Variants in DNAH7 observed in about 807,000 individuals in gnomAD.
The protein encoded by DNAH7 is dynein axonemal heavy chain 7, also known as axonemal beta dynein heavy chain 7.
DNAH7 carries 397 observed loss-of-function variants against 444.6 expected under a neutral mutation model. The ratio of observed to expected loss-of-function variants is 0.89; its 90% CI spans 0.82 to 0.97. The LOEUF (loss-of-function observed/expected upper bound fraction) is 0.97, where lower values mean the gene tolerates loss of function less well. Ranked by LOEUF, DNAH7 falls within the 50% of genes least tolerant of loss-of-function variation. The probability of loss-of-function intolerance (pLI) is 0.00; values close to 1 mark genes in which losing one functional copy is unlikely to be tolerated. For synonymous variants in DNAH7, 1,636 were observed against 1,624.4 expected (o/e 1.01, Z -0.17); for missense variants, 4,902 against 4,800.8 (o/e 1.02, Z -0.62).
chr2:196,038,471 A>T (rs139028071), intron 5 of DNAH7, among the ~76,000 whole-genome samples: 3 of 152,342 alleles, frequency 2.0e-5, no homozygotes, highest in African/African-American at 7.2e-5. Flanking sequence ...GACAGGAGTA[A>T]GCCCTCACCT....
intron 58 of DNAH7, among the ~76,000 whole-genome samples, chr2:195,778,669 T>TAC (rs1198664361): frequency 0.029 from 1,826 of 63,974 alleles, 200 homozygotes; most frequent in Non-Finnish European, 0.038. Flanking sequence ...TATATATATA[T>TAC]ACACACACAC....
chr2:195,869,319 T>C (rs940414381), intron 40 of DNAH7, among the ~76,000 whole-genome samples: 1 of 151,416 alleles, frequency 6.6e-6, no homozygotes, highest in Non-Finnish European at 1.5e-5. Flanking sequence ...TCCCACCTAC[T>C]GTCTCACAAT....
At chr2:195,815,332 C>G (rs1398868917) in intron 51 of DNAH7, among the ~76,000 whole-genome samples, 1 of 152,072 alleles carries the variant, frequency 6.6e-6, no homozygotes, top group Non-Finnish European at 1.5e-5. Flanking sequence ...TTCTCAATGG[C>G]AGATATCTAT....
At chr2:196,023,333 C>T (rs1185074439) in intron 8 of DNAH7, among the ~76,000 whole-genome samples, 1 of 152,170 alleles carries the variant, frequency 6.6e-6, no homozygotes, top group Non-Finnish European at 1.5e-5. Context: ...TCCTATAAAA[C>T]CTGAGCAACT....
At chr2:196,068,479 G>T (rs1698554944) in intron 1 of DNAH7, 1 of 616,874 alleles carries the variant, frequency 1.6e-6, no homozygotes, top group Non-Finnish European at 2.7e-6. Flanking sequence ...GGCTAGGTTT[G>T]GTTGTTATGA....
chr2:195,975,987 A>T (rs892124413), intron 15 of DNAH7, among the ~76,000 whole-genome samples: 1 of 152,160 alleles, frequency 6.6e-6, no homozygotes, highest in Admixed American at 6.5e-5. Context: ...TGGCACATTC[A>T]CAACTGTAGT....
chr2:195,912,874 TCCAAATTCAGGCTCTCAG>T (rs1687444678), intron 24 of DNAH7, among the ~76,000 whole-genome samples: 1 of 152,210 alleles, frequency 6.6e-6, no homozygotes, highest in Admixed American at 6.5e-5. Context: ...ACATCTATTT[TCCAAATTCAGGCTCTCAG>T]CCTGAGTCAG....
intron 40 of DNAH7, among the ~76,000 whole-genome samples, chr2:195,868,161 T>G (rs966545679): frequency 1.4e-5 from 2 of 146,286 alleles, no homozygotes; most frequent in Non-Finnish European, 3.0e-5. Context: ...AGTGGTGCGA[T>G]CTCGGCTCAC....
rs536016797 is a variant in DNAH7 at position 195,899,134 on chromosome 2, G to A, written c.4548+1148C>T. Among the ~76,000 whole-genome samples, 7 of 152,210 alleles carry A rather than the reference G, an allele frequency of 4.6e-5. No homozygotes were observed. In the South Asian group the frequency reaches 1.4e-3, roughly 32 times the overall value. ...ATGACAGAGCATGTCCTGTTGATCTGGATTTTGTTTTTGGATCAATCTAAC... is the reference window on the plus strand; with the variant it reads ...ATGACAGAGCATGTCCTGTTGATCTAGATTTTGTTTTTGGATCAATCTAAC... On this transcript the variant is annotated intron_variant, in intron 28 of 64. Transcript: ENST00000312428.
At chr2:195,937,951 A>G (rs1298938224) in intron 19 of DNAH7, among the ~76,000 whole-genome samples, 1 of 152,174 alleles carries the variant, frequency 6.6e-6, no homozygotes, top group Non-Finnish European at 1.5e-5. Flanking sequence ...TTAAATCAAG[A>G]GAATATTGTT....
At chr2:195,872,935 A>G (rs1330345478) in intron 39 of DNAH7, among the ~76,000 whole-genome samples, 2 of 150,466 alleles carry the variant, frequency 1.3e-5, no homozygotes, top group African/African-American at 4.9e-5. Flanking sequence ...GGAAAAGAGA[A>G]AAAAAGGAAA....
In DNAH7 at chr2:196,019,295, T is replaced by C. The variant is rs1695223386; in HGVS notation, c.744A>G (p.Glu248=). Residue 248 remains glutamate (E), a splice_region_variant and synonymous_variant, in exon 9 of 65, where the codon GAA becomes GAG. Coordinates refer to ENST00000312428, the MANE Select transcript of DNAH7 (RefSeq NM_018897.3). ...TCCAAGGTTTTGGCAGAATTTCCAT[T>C]CTGAAAACAAAGAAAATATTTAGTT... is the stretch of plus-strand genomic sequence containing the variant. ...KTDELPAHRA[E]MEILPKPWRK... is the part of the protein sequence containing the mutation. 2 of 1,468,912 alleles carry C rather than the reference T, an allele frequency of 1.4e-6. No homozygotes were observed. Among genetic ancestry groups the C allele is most frequent in the African/African-American group, 2.8e-5 (2 of 71,550 alleles). The allele number at this position is 1,468,912 out of a possible 1,614,324, so 91.0% of individuals were successfully genotyped here.
intron 51 of DNAH7, among the ~76,000 whole-genome samples, chr2:195,814,849 T>A (rs1697149168): frequency 6.6e-6 from 1 of 151,760 alleles, no homozygotes; most frequent in Admixed American, 6.6e-5. Context: ...CAAGTAATCC[T>A]CCCACCTCAG....
intron 1 of DNAH7, among the ~76,000 whole-genome samples, chr2:196,068,134 T>G (rs1243769890): frequency 2.6e-5 from 4 of 152,218 alleles, no homozygotes; most frequent in African/African-American, 7.2e-5. Flanking sequence ...TCTTAAGAAG[T>G]GCCATATGTC....
chr2:195,871,930 CAAAAAAAAAAAAAAAAAAAAAAA>C (rs553845281), intron 40 of DNAH7, among the ~76,000 whole-genome samples: 4 of 24,744 alleles, frequency 1.6e-4, no homozygotes, highest in Admixed American at 9.1e-4. Context: ...GACTCCGTCT[CAAAAAAAAAAAAAAAAAAAAAAA>C]AAAAAAAAAA....
Position 195,853,340 on chromosome 2 carries a change from T to C in DNAH7, c.8781+3A>G, listed in dbSNP as rs1469636574. 6.2e-7 allele frequency: 1 copy of C among 1,612,630 alleles called. No homozygotes were observed. The highest frequency in any genetic ancestry group is 1.3e-5 in the African/African-American group (1 of 74,882). On this transcript the variant is annotated splice_donor_region_variant and intron_variant, in intron 46 of 64. Transcript: ENST00000312428. ...CAGGAAGAGATGGAATAGTGTCCCT[T>C]ACCTGTCTATAGGTGGATGTGAAGG...
intron 60 of DNAH7, among the ~76,000 whole-genome samples, chr2:195,773,257 ACAAAT>A (rs1448519606): frequency 6.6e-6 from 1 of 152,238 alleles, no homozygotes; most frequent in Non-Finnish European, 1.5e-5. Context: ...AATATAAAAA[ACAAAT>A]CATAGAGAAC....
chr2:195,864,065 AG>A, intron 41 of DNAH7, 83 bp downstream of exon 41: 1 of 1,377,340 alleles, frequency 7.3e-7, no homozygotes, highest in Non-Finnish European at 9.9e-7. Context: ...GGTAAACTAC[AG>A]GTTGGGAATC....
chr2:195,968,004 T>C (rs1382466461), intron 17 of DNAH7, among the ~76,000 whole-genome samples: 10 of 152,210 alleles, frequency 6.6e-5, no homozygotes, highest in Non-Finnish European at 1.2e-4. Flanking sequence ...CACTGGCCCA[T>C]GGGCAGTTCT....
Sources: allele counts gnomAD v4.1 joint callset (sites outside exome capture counted in the v4.1 genomes callset), GRCh38; gene constraint gnomAD v4.1.1; transcripts MANE v1.5; gene names NCBI Gene and HGNC (gene_info 2026-07-23, HGNC 2026-07-21).